PHACTR4: variants seen among roughly 807,000 people sequenced by gnomAD.
PHACTR4 encodes phosphatase and actin regulator 4, also known as protein phosphatase 1, regulatory subunit 124.
In PHACTR4, 51 loss-of-function variants were observed where a neutral mutation model predicts 72.7. The ratio of observed to expected loss-of-function variants is 0.70; its 90% confidence interval spans 0.56 to 0.89. The LOEUF (loss-of-function observed/expected upper bound fraction) is 0.89, where lower values mean the gene tolerates loss of function less well. Among genes scored for constraint, PHACTR4 ranks in the 40% least tolerant of loss-of-function variants. The pLI is 0.00. For missense variants in PHACTR4, 731 were observed against 861.8 expected, an observed-to-expected ratio of 0.85 and a Z score of 1.90; for synonymous variants, 255 against 302.5, an observed-to-expected ratio of 0.84 and a Z score of 1.63.
At chr1:28,406,776 G>C (rs1654357962) in intron 1 of PHACTR4, among the ~76,000 whole-genome samples, 1 of 152,120 alleles carries the variant, frequency 6.6e-6, no homozygotes, top group Non-Finnish European at 1.5e-5. Flanking sequence ...GGGTGCAGGA[G>C]GTTGTATATT....
intron 1 of PHACTR4, among the ~76,000 whole-genome samples, chr1:28,406,187 TTAC>T (rs1654311132): frequency 6.7e-6 from 1 of 148,792 alleles, no homozygotes. Context: ...AATGAAAACT[TTAC>T]ATTTCCAGTA....
intron 1 of PHACTR4, among the ~76,000 whole-genome samples, chr1:28,386,926 G>A (rs1652602128): frequency 1.3e-5 from 2 of 152,244 alleles, no homozygotes; most frequent in Admixed American, 1.3e-4. Context: ...TGTTCTTTGG[G>A]AAAGCTTAGG....
intron 1 of PHACTR4, among the ~76,000 whole-genome samples, chr1:28,388,806 T>A (rs1652778921): frequency 6.6e-6 from 1 of 151,958 alleles, no homozygotes; most frequent in African/African-American, 2.4e-5. Flanking sequence ...GCTGAGATCA[T>A]GCCATTGTAC....
chr1:28,499,462 A>ATTTGT lies in PHACTR4; in HGVS notation c.*2942_*2946dup, dbSNP rs56375922. On this transcript the variant is annotated 3_prime_UTR_variant, in exon 14 of 14. Coordinates refer to ENST00000373839, the MANE Select transcript of PHACTR4 (RefSeq NM_001048183.3). Reference sequence around the variant, plus strand: ...CCTTGAAGTTTTTTGTTTGGTTTTGATTTGTTTTGTTTTGTTTTGTTTTGT... The same window carrying ATTTGT: ...CCTTGAAGTTTTTTGTTTGGTTTTGATTTGTTTTGTTTTGTTTTGTTTTGTTTTGT... 0.33 allele frequency: 48,843 copies of ATTTGT among 149,128 alleles called. 8,818 individuals are homozygous for ATTTGT. The highest frequency in any genetic ancestry group is 0.48 in the African/African-American group (19,256 of 39,980). 9.2% of individuals were successfully genotyped at this position (149,128 alleles called of 1,614,324 possible). A position where few individuals can be genotyped will look rare whatever the true frequency, so the allele number is the denominator to read the frequency against.
At chr1:28,461,967 G>A (rs537101830) in intron 4 of PHACTR4, among the ~76,000 whole-genome samples, 20 of 150,948 alleles carry the variant, frequency 1.3e-4, no homozygotes, top group East Asian at 3.9e-4. Context: ...AGGTAGTTAC[G>A]TACTACTTTA....
intron 2 of PHACTR4, among the ~76,000 whole-genome samples, chr1:28,448,868 G>A (rs1657716415): frequency 6.8e-6 from 1 of 147,828 alleles, no homozygotes; most frequent in African/African-American, 2.5e-5. Context: ...AAAGCGGGGG[G>A]CGGGGGTGGG....
At chr1:28,481,547 C>A (rs909197342) in intron 9 of PHACTR4, 6 of 151,952 alleles carry the variant, frequency 3.9e-5, no homozygotes, top group African/African-American at 1.4e-4. Flanking sequence ...CCTAGAACTT[C>A]GGGAGGCTGA....
chr1:28,414,318 G>A (rs944221742), intron 2 of PHACTR4, among the ~76,000 whole-genome samples: 3 of 151,474 alleles, frequency 2.0e-5, no homozygotes, highest in Admixed American at 6.6e-5. Flanking sequence ...CGCCTGCCTC[G>A]GCCTACCAAA....
At chr1:28,414,338 T>G (rs1309190483) in intron 2 of PHACTR4, among the ~76,000 whole-genome samples, 1 of 151,674 alleles carries the variant, frequency 6.6e-6, no homozygotes, top group Non-Finnish European at 1.5e-5. Flanking sequence ...AGTGCTGAGA[T>G]TACAGGCATG....
At chr1:28,381,380 C>T (rs1444627220) in intron 1 of PHACTR4, among the ~76,000 whole-genome samples, 1 of 148,262 alleles carries the variant, frequency 6.7e-6, no homozygotes, top group Non-Finnish European at 1.5e-5. Flanking sequence ...CTCACTGCAA[C>T]CTCCGCCTCC....
chr1:28,380,050 ACTT>A (rs1397136125), intron 1 of PHACTR4, among the ~76,000 whole-genome samples: 6 of 128,110 alleles, frequency 4.7e-5, no homozygotes, highest in Non-Finnish European at 8.1e-5. Context: ...TTTAAATGTA[ACTT>A]TTTTTTTTTT....
chr1:28,438,043 G>C (rs1569948633), intron 2 of PHACTR4: 1 of 685,416 alleles, frequency 1.5e-6, no homozygotes, highest in East Asian at 1.2e-4. Flanking sequence ...TCAGGAACGG[G>C]GGTGTGGACT....
At chr1:28,370,446 C>A (rs557267297) in intron 1 of PHACTR4, among the ~76,000 whole-genome samples, 1 of 152,298 alleles carries the variant, frequency 6.6e-6, no homozygotes, top group East Asian at 1.9e-4. Flanking sequence ...ACCCTCTACA[C>A]CCCGGCTCCG....
intron 1 of PHACTR4, among the ~76,000 whole-genome samples, chr1:28,396,175 A>G (rs1277798478): frequency 6.6e-6 from 1 of 152,082 alleles, no homozygotes; most frequent in African/African-American, 2.4e-5. Flanking sequence ...TATTTTAGGG[A>G]AATGTAGAGG....
chr1:28,387,718 C>T (rs1451177452), intron 1 of PHACTR4, among the ~76,000 whole-genome samples: 1 of 147,132 alleles, frequency 6.8e-6, no homozygotes, highest in Non-Finnish European at 1.5e-5. Flanking sequence ...AAGACACTGT[C>T]TCTACAAAAA....
intron 5 of PHACTR4, 128 bp from the exon 6 acceptor site, chr1:28,466,254 A>G: frequency 9.2e-7 from 1 of 1,081,738 alleles, no homozygotes; most frequent in Non-Finnish European, 1.3e-6. Flanking sequence ...GGCATTGAGA[A>G]TGGTAACCTA....
At chr1:28,456,335 C>G in intron 2 of PHACTR4, among the ~76,000 whole-genome samples, 1 of 152,206 alleles carries the variant, frequency 6.6e-6, no homozygotes, top group East Asian at 1.9e-4. Flanking sequence ...AGAACTCACT[C>G]ACTATTGCTA....
Position 28,460,217 on chromosome 1 carries a change from G to T in PHACTR4, c.196G>T (p.Glu66Ter). The T allele has an allele frequency of 6.2e-7, 1 of 1,612,528 alleles. No homozygotes were observed. The highest frequency in any genetic ancestry group is 1.1e-5 in the South Asian group (1 of 90,912). The part of the protein sequence containing the change: ...DKFKETSEVL[E>*]RKISMRKPRE... ...ATTTTCCAATTTAATGTTAGTTTTAGAACGGAAAATATCTATGCGAAAGCC... is the reference window on the plus strand; with the variant it reads ...ATTTTCCAATTTAATGTTAGTTTTATAACGGAAAATATCTATGCGAAAGCC... The change falls in exon 4 of 14, where the codon GAA (glutamate) becomes TAA (stop). Residue 66 changes from glutamate to a stop codon, truncating the protein, a stop_gained. Transcript: ENST00000373839. LOFTEE classifies it high-confidence loss of function.
At chr1:28,409,120 C>T (rs1043448594) in intron 2 of PHACTR4, among the ~76,000 whole-genome samples, 1 of 143,134 alleles carries the variant, frequency 7.0e-6, no homozygotes, top group Admixed American at 6.8e-5. Flanking sequence ...CCTTTTCTTT[C>T]TTTCTTTTTT....
Sources: gnomAD v4.1 joint callset for allele counts (sites outside exome capture counted in the v4.1 genomes callset) on GRCh38, gnomAD v4.1.1 for gene constraint, MANE v1.5 for transcripts, NCBI Gene and HGNC (gene_info 2026-07-23, HGNC 2026-07-21) for gene names.